AGMO: variants seen among roughly 807,000 people sequenced by gnomAD.
AGMO encodes glyceryl-ether monooxygenase.
Under a neutral mutation model 60.2 loss-of-function variants are expected in AGMO, and 75 were observed. The ratio of observed to expected loss-of-function variants is 1.25; its 90% CI spans 1.03 to 1.51. The LOEUF (loss-of-function observed/expected upper bound fraction) is 1.51. Among genes scored for constraint, AGMO ranks in the 40% most tolerant of loss-of-function variants. AGMO has a pLI of 0.00. For missense variants in AGMO, 763 were observed against 525.5 expected, an observed-to-expected ratio of 1.45 and a Z score of -4.42; for synonymous variants, 261 against 177.1, an observed-to-expected ratio of 1.47 and a Z score of -3.76.
intron 6 of AGMO, among the ~76,000 whole-genome samples, chr7:15,391,615 T>C (rs557369342): frequency 1.7e-4 from 26 of 152,328 alleles, no homozygotes; most frequent in African/African-American, 6.3e-4. Context: ...TGTGTTCCCA[T>C]TCCTTTGCAT....
intron 6 of AGMO, among the ~76,000 whole-genome samples, chr7:15,391,591 A>C (rs1008668915): frequency 2.6e-5 from 4 of 152,196 alleles, no homozygotes; most frequent in Admixed American, 2.6e-4. Flanking sequence ...TTACCCCAAG[A>C]AGCTCAACTA....
intron 5 of AGMO, among the ~76,000 whole-genome samples, chr7:15,406,558 A>G (rs1784698991): frequency 1.5e-5 from 1 of 65,976 alleles, no homozygotes; most frequent in Admixed American, 1.7e-4. Context: ...TTTGTTTGGA[A>G]TACACACACA....
chr7:15,542,129 A>G (rs1159437240), intron 3 of AGMO, among the ~76,000 whole-genome samples: 2 of 152,262 alleles, frequency 1.3e-5, no homozygotes, highest in East Asian at 1.9e-4. Flanking sequence ...ACCCATTTTA[A>G]TATTTTACAG....
intron 4 of AGMO, among the ~76,000 whole-genome samples, chr7:15,427,596 TTATC>T (rs1310217426): frequency 1.3e-5 from 2 of 152,204 alleles, no homozygotes; most frequent in African/African-American, 4.8e-5. Flanking sequence ...TTCAAGTACT[TTATC>T]TATAATGTCA....
At chr7:15,247,457 C>CAGAGAGAGAGAG (rs1264615405) in intron 12 of AGMO, among the ~76,000 whole-genome samples, 11 of 119,440 alleles carry the variant, frequency 9.2e-5, no homozygotes, top group East Asian at 2.4e-4. Flanking sequence ...CACACACACA[C>CAGAGAGAGAGAG]ACAGAGAGAG....
intron 12 of AGMO, among the ~76,000 whole-genome samples, chr7:15,300,751 T>C (rs1294388950): frequency 2.0e-5 from 3 of 152,078 alleles, no homozygotes; most frequent in African/African-American, 7.2e-5. Context: ...AATTAGCAAA[T>C]CTTAAAGGTG....
chr7:15,236,447 AG>A (rs1782421483), intron 12 of AGMO, among the ~76,000 whole-genome samples: 1 of 152,144 alleles, frequency 6.6e-6, no homozygotes, highest in Non-Finnish European at 1.5e-5. Flanking sequence ...TAGTTTTGCT[AG>A]GTAAGTGTGG....
intron 12 of AGMO, among the ~76,000 whole-genome samples, chr7:15,363,861 G>C (rs1782858601): frequency 6.6e-6 from 1 of 151,856 alleles, no homozygotes; most frequent in Non-Finnish European, 1.5e-5. Context: ...TGAAATTATT[G>C]TCTTTCATGC....
At chr7:15,387,691 C>T (rs1416190027) in intron 8 of AGMO, 151 bp from the exon 9 acceptor site, 1 of 661,068 alleles carries the variant, frequency 1.5e-6, no homozygotes. Flanking sequence ...TAATTGCATT[C>T]CATGCTGTAA....
chr7:15,262,377 T>C (rs1047246529), intron 12 of AGMO, among the ~76,000 whole-genome samples: 2 of 151,932 alleles, frequency 1.3e-5, no homozygotes. Context: ...CCATTTACAA[T>C]AACTGCATAA....
At chr7:15,478,079 C>T (rs764759592) in intron 3 of AGMO, among the ~76,000 whole-genome samples, 16 of 152,072 alleles carry the variant, frequency 1.1e-4, no homozygotes, top group Non-Finnish European at 2.1e-4. Context: ...GTATCATCCA[C>T]TCAGGAGTGT....
the AGMO span, among the ~76,000 whole-genome samples, chr7:15,132,592 GC>G: frequency 6.6e-6 from 1 of 152,118 alleles, no homozygotes; most frequent in Non-Finnish European, 1.5e-5. Context: ...GGAAATAATG[GC>G]CTGGAAGGTG....
At chr7:15,509,402 T>C (rs920564496) in intron 3 of AGMO, among the ~76,000 whole-genome samples, 1 of 151,334 alleles carries the variant, frequency 6.6e-6, no homozygotes, top group Non-Finnish European at 1.5e-5. Flanking sequence ...AACTGGACAA[T>C]TATCTTACAC....
At chr7:15,254,017 T>A (rs558220792) in intron 12 of AGMO, among the ~76,000 whole-genome samples, 17 of 152,298 alleles carry the variant, frequency 1.1e-4, no homozygotes, top group Admixed American at 1.0e-3. Flanking sequence ...ATCCATGTAG[T>A]CACAAAATGA....
chr7:15,290,015 TGGTCCACCTTAAGTTGA>T, intron 12 of AGMO, among the ~76,000 whole-genome samples: 1 of 128,222 alleles, frequency 7.8e-6, no homozygotes, highest in Non-Finnish European at 1.6e-5. Context: ...GTGCAGTCTT[TGGTCCACCTTAAGTTGA>T]TTTTTTTTTT....
At chr7:15,301,774 T>G (rs1780442770) in intron 12 of AGMO, among the ~76,000 whole-genome samples, 2 of 152,136 alleles carry the variant, frequency 1.3e-5, no homozygotes, top group South Asian at 4.1e-4. Flanking sequence ...ATTACATACA[T>G]CTTTTTAGAA....
At chr7:15,222,338 T>G (rs1008000157) in intron 12 of AGMO, among the ~76,000 whole-genome samples, 2 of 151,998 alleles carry the variant, frequency 1.3e-5, no homozygotes, top group African/African-American at 4.8e-5. Flanking sequence ...GAAGTCAGAA[T>G]GAACTTAGAG....
At chr7:15,140,816 G>C in the AGMO span, among the ~76,000 whole-genome samples, 1 of 151,524 alleles carries the variant, frequency 6.6e-6, no homozygotes, top group African/African-American at 2.4e-5. Context: ...TAAACATTTT[G>C]CATATGTTTA....
intron 12 of AGMO, among the ~76,000 whole-genome samples, chr7:15,242,425 C>A (rs1317473109): frequency 6.6e-6 from 1 of 152,066 alleles, no homozygotes; most frequent in Admixed American, 6.5e-5. Context: ...TATTTTTTAA[C>A]CACAGTGTTT....
Sources: gnomAD v4.1 joint callset for allele counts (sites outside exome capture counted in the v4.1 genomes callset) on GRCh38, gnomAD v4.1.1 for gene constraint, MANE v1.5 for transcripts, NCBI Gene and HGNC (gene_info 2026-07-23, HGNC 2026-07-21) for gene names.